The following CCDC32 variants were observed in gnomAD, a reference collection of about 807,000 sequenced individuals.
CCDC32 encodes the protein coiled-coil domain containing 32.
Under a neutral mutation model 20.1 loss-of-function variants are expected in CCDC32, and 9 were observed. The ratio of observed to expected loss-of-function variants is 0.45; its 90% CI spans 0.27 to 0.78. The LOEUF (loss-of-function observed/expected upper bound fraction) is 0.78. CCDC32 is among the 30% of genes least tolerant of loss of function. The pLI is 0.16. For missense variants in CCDC32, 204 were observed against 215.5 expected (o/e 0.95, Z 0.33); for synonymous variants, 63 against 79.0 (o/e 0.80, Z 1.07).
chr15:40,524,132 A>C (rs1364188609), downstream of CCDC32, among the ~76,000 whole-genome samples: 1 of 148,562 alleles, frequency 6.7e-6, no homozygotes, highest in African/African-American at 2.5e-5. Flanking sequence ...ATTGATACAC[A>C]CAACATGCAT....
At chr15:40,539,823 G>C (rs1595885418) in intron 3 of CCDC32, among the ~76,000 whole-genome samples, 1 of 131,380 alleles carries the variant, frequency 7.6e-6, no homozygotes, top group African/African-American at 2.7e-5. Flanking sequence ...CCCCTAATAA[G>C]AGTGATCAAA....
At chr15:40,560,934 T>C (rs748021368) in intron 2 of CCDC32, among the ~76,000 whole-genome samples, 18 of 152,182 alleles carry the variant, frequency 1.2e-4, no homozygotes, top group Non-Finnish European at 2.6e-4. Context: ...TCATAATTCA[T>C]AATTGCAAAG....
chr15:40,542,188 C>T (rs927716786), intron 3 of CCDC32, among the ~76,000 whole-genome samples: 1 of 152,192 alleles, frequency 6.6e-6, no homozygotes, highest in African/African-American at 2.4e-5. Context: ...ACAAGGCCAC[C>T]CTATTGTTGA....
chr15:40,535,554 A>T (rs1197811309), downstream of CCDC32: 8 of 985,202 alleles, frequency 8.1e-6, no homozygotes, highest in Non-Finnish European at 8.4e-6. Context: ...TCCTCCACTC[A>T]GCTTCCTTTC....
chr15:40,529,527 C>G (rs1289594298), intron 3 of CCDC32: 2 of 152,192 alleles, frequency 1.3e-5, no homozygotes, highest in African/African-American at 4.8e-5. Context: ...CTTGTACATT[C>G]AACTTTTCTG....
chr15:40,526,709 TCAAGAC>T (rs1479987677), downstream of CCDC32, among the ~76,000 whole-genome samples: 1 of 152,106 alleles, frequency 6.6e-6, no homozygotes, highest in East Asian at 1.9e-4. Context: ...GGTCAGGAGT[TCAAGAC>T]CAGCCTGGCT....
chr15:40,549,062 A>G (rs1420469087), downstream of CCDC32, among the ~76,000 whole-genome samples: 4 of 152,248 alleles, frequency 2.6e-5, no homozygotes, highest in Non-Finnish European at 5.9e-5. Flanking sequence ...ATAGACATGT[A>G]TCGCTGCCAA....
chr15:40,549,122 G>T (rs1416860686), downstream of CCDC32, among the ~76,000 whole-genome samples: 1 of 152,138 alleles, frequency 6.6e-6, no homozygotes, highest in Admixed American at 6.6e-5. Flanking sequence ...GCAAACCCAT[G>T]GCAGCCATAA....
chr15:40,559,962 T>C (rs1157463021), intron 2 of CCDC32, among the ~76,000 whole-genome samples: 1 of 152,230 alleles, frequency 6.6e-6, no homozygotes, highest in African/African-American at 2.4e-5. Flanking sequence ...ACTTGAAATC[T>C]TCAAAATTCT....
Position 40,562,962 on chromosome 15 carries a change from G to C in CCDC32, c.54C>G (p.Leu18=), listed in dbSNP as rs762984369. Residue 18 remains leucine (L), a synonymous_variant, in exon 2 of 4, where the codon CTC becomes CTG. Transcript: ENST00000416810. ...DSTATRSGQD[L]WAEICSCLPN... Reference sequence around the variant, plus strand: ...GCAGACAGGAACAAATTTCAGCCCAGAGATCCTGGCCAGATCTTGTGGCTG... The same window carrying C: ...GCAGACAGGAACAAATTTCAGCCCACAGATCCTGGCCAGATCTTGTGGCTG... 2.5e-6 allele frequency: 4 copies of C among 1,614,226 alleles called. No homozygotes were observed. The South Asian group carries it at 4.4e-5, about 18-fold the overall frequency.
At chr15:40,549,460 T>A (rs896795), downstream of CCDC32, among the ~76,000 whole-genome samples, 1 of 151,930 alleles carries the variant, frequency 6.6e-6, no homozygotes, top group Admixed American at 6.6e-5. Context: ...TGGACTCAGC[T>A]CCCCTAACAC....
At chr15:40,545,137 A>C (rs1233473977) in intron 3 of CCDC32, among the ~76,000 whole-genome samples, 2 of 152,182 alleles carry the variant, frequency 1.3e-5, no homozygotes, top group African/African-American at 2.4e-5. Flanking sequence ...CTCTTACCCA[A>C]TGTACACTCC....
intron 1 of CCDC32, chr15:40,564,705 G>A: frequency 6.2e-7 from 1 of 1,611,300 alleles, no homozygotes; most frequent in South Asian, 1.1e-5. Context: ...GATGTCTAGC[G>A]CTACAGTGAA....
downstream of CCDC32, among the ~76,000 whole-genome samples, chr15:40,552,647 C>A (rs1472410778): frequency 6.6e-6 from 1 of 151,182 alleles, no homozygotes; most frequent in Non-Finnish European, 1.5e-5. Context: ...TAGTGGTTTG[C>A]ACCTGTAATT....
At chr15:40,522,934 C>G in the CCDC32 span, among the ~76,000 whole-genome samples, 2 of 148,886 alleles carry the variant, frequency 1.3e-5, no homozygotes, top group African/African-American at 4.9e-5. Context: ...TCAAGCGATT[C>G]TCCCGCCTCA....
the CCDC32 span, among the ~76,000 whole-genome samples, chr15:40,523,045 C>T: frequency 1.3e-5 from 2 of 151,112 alleles, no homozygotes; most frequent in Non-Finnish European, 3.0e-5. Flanking sequence ...TCAGGCTGGT[C>T]TTCAACTCCT....
downstream of CCDC32, chr15:40,536,263 C>G (rs535126256): frequency 6.2e-4 from 94 of 152,482 alleles, no homozygotes; most frequent in African/African-American, 2.0e-3. Flanking sequence ...GTGCTCTGTT[C>G]CACATCATCA....
exon 4 of CCDC32, chr15:40,539,281 T>C (rs1298456283): frequency 6.5e-7 from 1 of 1,535,502 alleles, no homozygotes; most frequent in East Asian, 2.4e-5. Flanking sequence ...CCACCTCTGC[T>C]CAGCACACTG....
At position 40,562,930 on chromosome 15, in the gene CCDC32, G is replaced by A; in HGVS notation, c.86C>T (p.Pro29Leu). ...ATTGTTGGCACCATCTTCTTGTTCAGGATTTGGCAGACAGGAACAAATTTC... is the reference window on the plus strand; with the variant it reads ...ATTGTTGGCACCATCTTCTTGTTCAAGATTTGGCAGACAGGAACAAATTTC... ...WAEICSCLPNPEQEDGANNAF... is the reference protein window; with the variant it reads ...WAEICSCLPNLEQEDGANNAF... The change falls in exon 2 of 4, where the codon CCT becomes CTT. Residue 29 changes from proline to leucine, a missense_variant. Pro to Leu is a moderately conservative substitution (Grantham distance 98). Coordinates refer to ENST00000416810, the MANE Select transcript of CCDC32 (RefSeq NM_001080792.4). The A allele has an allele frequency of 6.2e-7, 1 of 1,614,200 alleles. No individual in the cohort carries two copies. The highest frequency in any genetic ancestry group is 8.5e-7 in the Non-Finnish European group (1 of 1,180,042).
Sources: gnomAD v4.1 joint callset for allele counts (sites outside exome capture counted in the v4.1 genomes callset) on GRCh38, gnomAD v4.1.1 for gene constraint, MANE v1.5 for transcripts, NCBI Gene and HGNC (gene_info 2026-07-23, HGNC 2026-07-21) for gene names.